CCSER1: variants seen among roughly 807,000 people sequenced by gnomAD.
CCSER1 encodes serine-rich coiled-coil domain-containing protein 1.
In CCSER1, 41 loss-of-function variants were observed where a neutral mutation model predicts 82.0. The ratio of observed to expected loss-of-function variants is 0.50; its 90% CI spans 0.39 to 0.65. The LOEUF (loss-of-function observed/expected upper bound fraction) is 0.65. CCSER1 is among the 30% of genes least tolerant of loss of function. The probability of loss-of-function intolerance (pLI) is 0.00; values close to 1 mark genes in which losing one functional copy is unlikely to be tolerated. For missense variants in CCSER1, 1,119 were observed against 1,064.2 expected (o/e 1.05, Z -0.72); for synonymous variants, 414 against 383.9 (o/e 1.08, Z -0.92).
At chr4:91,404,994 G>A (rs1010740255) in intron 10 of CCSER1, among the ~76,000 whole-genome samples, 6 of 152,162 alleles carry the variant, frequency 3.9e-5, no homozygotes, top group Non-Finnish European at 5.9e-5. Flanking sequence ...TGACAGTGGG[G>A]TGTTAAAGTC....
chr4:91,038,389 G>A (rs765152007), intron 9 of CCSER1, among the ~76,000 whole-genome samples: 2 of 151,482 alleles, frequency 1.3e-5, no homozygotes, highest in Non-Finnish European at 2.9e-5. Flanking sequence ...CCTAGCTAAT[G>A]TTCCTTAACC....
chr4:91,469,929 C>G (rs1757170369), intron 10 of CCSER1, among the ~76,000 whole-genome samples: 2 of 152,270 alleles, frequency 1.3e-5, no homozygotes, highest in South Asian at 4.1e-4. Context: ...AGCTATGAAA[C>G]TCCATTTGCT....
intron 9 of CCSER1, among the ~76,000 whole-genome samples, chr4:90,956,564 G>A (rs1181408215): frequency 2.0e-5 from 3 of 151,996 alleles, no homozygotes; most frequent in African/African-American, 7.3e-5. Flanking sequence ...AGAAACTTCT[G>A]TTTCCTGGAA....
At chr4:90,684,158 A>G (rs1330780120) in intron 6 of CCSER1, among the ~76,000 whole-genome samples, 1 of 152,198 alleles carries the variant, frequency 6.6e-6, no homozygotes, top group Admixed American at 6.5e-5. Flanking sequence ...GTTTTATGCA[A>G]TAACAGATTG....
intron 8 of CCSER1, among the ~76,000 whole-genome samples, chr4:90,880,084 TG>T (rs1721068534): frequency 1.3e-5 from 2 of 152,166 alleles, no homozygotes; most frequent in South Asian, 4.1e-4. Context: ...TCCAGCTATG[TG>T]GCTCCCCTGT....
chr4:91,465,469 A>G (rs570225529), intron 10 of CCSER1, among the ~76,000 whole-genome samples: 48 of 149,352 alleles, frequency 3.2e-4, no homozygotes, highest in Non-Finnish European at 5.4e-4. Flanking sequence ...AAACATATTC[A>G]AAAGCTAGCA....
At chr4:90,349,348 G>T (rs540460763) in intron 3 of CCSER1, among the ~76,000 whole-genome samples, 5 of 152,018 alleles carry the variant, frequency 3.3e-5, no homozygotes, top group Non-Finnish European at 7.4e-5. Context: ...TATAATTTTA[G>T]CAGTCAAAAG....
chr4:91,169,695 T>G (rs991296302), intron 10 of CCSER1, among the ~76,000 whole-genome samples: 7 of 152,000 alleles, frequency 4.6e-5, no homozygotes, highest in Non-Finnish European at 7.4e-5. Context: ...AGTTTAGAAT[T>G]GTTAAAATGC....
chr4:90,173,698 G>C (rs753174971), intron 1 of CCSER1, among the ~76,000 whole-genome samples: 1 of 151,904 alleles, frequency 6.6e-6, no homozygotes, highest in Non-Finnish European at 1.5e-5. Context: ...CATCAATCCA[G>C]AAATGCTAGG....
chr4:91,560,647 C>T (rs1762612550), intron 10 of CCSER1, among the ~76,000 whole-genome samples: 1 of 151,366 alleles, frequency 6.6e-6, no homozygotes, highest in African/African-American at 2.4e-5. Context: ...TAAAGAGCAC[C>T]CATCAGTATA....
intron 1 of CCSER1, among the ~76,000 whole-genome samples, chr4:90,212,252 ATG>A (rs921910952): frequency 3.3e-5 from 5 of 152,144 alleles, no homozygotes; most frequent in Non-Finnish European, 5.9e-5. Context: ...TTGGGTTGTC[ATG>A]TATGTATATA....
intron 7 of CCSER1, among the ~76,000 whole-genome samples, chr4:90,813,255 T>A (rs1191802130): frequency 6.6e-6 from 1 of 152,228 alleles, no homozygotes; most frequent in Non-Finnish European, 1.5e-5. Flanking sequence ...GCCACAGGCC[T>A]CATGCAATTC....
At chr4:91,403,644 T>C (rs775343892) in intron 10 of CCSER1, among the ~76,000 whole-genome samples, 5 of 152,200 alleles carry the variant, frequency 3.3e-5, no homozygotes, top group Non-Finnish European at 5.9e-5. Context: ...CTGCATCCAT[T>C]GAGGTAATCA....
intron 10 of CCSER1, among the ~76,000 whole-genome samples, chr4:91,342,432 G>A (rs1362224866): frequency 6.6e-6 from 1 of 152,010 alleles, no homozygotes; most frequent in African/African-American, 2.4e-5. Context: ...CTAATACCTT[G>A]GAAAGTCACA....
chr4:90,989,687 A>G (rs980360726), intron 9 of CCSER1, among the ~76,000 whole-genome samples: 1 of 151,798 alleles, frequency 6.6e-6, no homozygotes, highest in Non-Finnish European at 1.5e-5. Context: ...AAAAATGGAG[A>G]TGTTTCCCAT....
At chr4:91,459,871 G>T (rs1756401469) in intron 10 of CCSER1, among the ~76,000 whole-genome samples, 1 of 152,034 alleles carries the variant, frequency 6.6e-6, no homozygotes, top group Non-Finnish European at 1.5e-5. Flanking sequence ...TTTTACACCT[G>T]AATATAATAA....
chr4:90,472,543 C>T (rs1347086326), intron 5 of CCSER1, among the ~76,000 whole-genome samples: 2 of 152,170 alleles, frequency 1.3e-5, no homozygotes, highest in Admixed American at 6.6e-5. Context: ...CTACATTGCT[C>T]ATTACAGTGG....
chr4:90,619,346 A>G (rs1465659102), intron 5 of CCSER1, among the ~76,000 whole-genome samples: 1 of 152,034 alleles, frequency 6.6e-6, no homozygotes, highest in African/African-American at 2.4e-5. Context: ...AAAAATGTGC[A>G]GTTTGGAAAA....
chr4:91,124,212 A>G (rs1727316737), intron 10 of CCSER1, among the ~76,000 whole-genome samples: 1 of 151,820 alleles, frequency 6.6e-6, no homozygotes, highest in Admixed American at 6.6e-5. Context: ...ATACAAGAAT[A>G]TTACTGTCAT....
Sources: gnomAD v4.1 joint callset for allele counts (sites outside exome capture counted in the v4.1 genomes callset) on GRCh38, gnomAD v4.1.1 for gene constraint, MANE v1.5 for transcripts, NCBI Gene and HGNC (gene_info 2026-07-23, HGNC 2026-07-21) for gene names.